Variants in WIZ observed in about 807,000 individuals in gnomAD.
WIZ encodes the protein WIZ zinc finger.
WIZ carries 25 observed loss-of-function variants against 140.2 expected under a neutral mutation model. The observed-to-expected ratio is 0.18, with a 90% CI of 0.13 to 0.25. WIZ has a LOEUF of 0.25. Ranked by LOEUF, WIZ falls within the 10% of genes least tolerant of loss-of-function variation. The pLI is 1.00. For missense variants in WIZ, 2,231 were observed against 2,632.6 expected (o/e 0.85, Z 3.34); for synonymous variants, 1,125 against 1,154.3 (o/e 0.97, Z 0.51).
rs1167629717 is a variant in WIZ, at chr19:15,422,956, G to A, written c.*120C>T. ...GTGTGCCCGGCCCCCAAGGGGCGCC[G>A]GTTTGAGGTTTTGGCTTGCTCCTTT... On this transcript the variant is annotated 3_prime_UTR_variant, in exon 13 of 13. Transcript: ENST00000673675. 2.0e-5 allele frequency: 29 copies of A among 1,440,226 alleles called. No homozygotes were observed. The highest frequency in any genetic ancestry group is 1.1e-4 in the African/African-American group (8 of 70,406). The allele number at this position is 1,440,226 out of a possible 1,614,324, so 89.2% of individuals were successfully genotyped here.
At chr19:15,432,463 C>CCCGGCT (rs1312537100) in intron 5 of WIZ, 65 of 983,218 alleles carry the variant, frequency 6.6e-5, no homozygotes, top group South Asian at 9.1e-5. Flanking sequence ...GGGCCCGGGC[C>CCCGGCT]CCGGCTCCGG....
At chr19:15,448,049 G>A in intron 2 of WIZ, 54 bp downstream of exon 2, 1 of 1,599,928 alleles carries the variant, frequency 6.3e-7, no homozygotes, top group Non-Finnish European at 8.5e-7. Flanking sequence ...CTCTCTCTGA[G>A]CCTTGGGGAA....
Position 15,438,754 on chromosome 19 carries a change from T to C in WIZ, c.2240A>G (p.Glu747Gly), listed in dbSNP as rs1025341958. 3.9e-6 allele frequency: 6 copies of C among 1,535,596 alleles called. No homozygotes were observed. In the African/African-American group the frequency reaches 8.2e-5, roughly 21 times the overall value. The change falls in exon 4 of 13, where the codon GAG (glutamate) becomes GGG (glycine). Residue 747 changes from glutamate (E) to glycine (G), a missense_variant. By Grantham distance (98) the Glu-to-Gly change is moderately conservative. This residue lies in a region of WIZ where 118 missense variants were observed against 209.1 expected (regional missense o/e 0.56). Coordinates refer to ENST00000673675, the MANE Select transcript of WIZ (RefSeq NM_001371589.1). ...DGDPAMALKH[E>G]ERKCPYCPDR... ...GGGGCAGTAGGGGCATTTCCGCTCC[T>C]CGTGCTTCAGTGCCATGGCCGGATC...
In WIZ at chr19:15,438,724, C is replaced by T. The variant is rs868004957; in HGVS notation, c.2270G>A (p.Arg757His). The T allele has an allele frequency of 6.5e-6, 10 of 1,536,042 alleles. No homozygotes were observed. Among genetic ancestry groups the T allele is most frequent in the African/African-American group, 2.7e-5 (2 of 73,058 alleles). Residue 757 changes from arginine to histidine, a missense_variant, in exon 4 of 13, where the codon CGC (arginine) becomes CAC (histidine). Physicochemically the swap from Arg to His is conservative, Grantham distance 29. Around this residue, in one of 15 missense-constraint regions of WIZ, gnomAD observed 118 missense variants for 209.1 expected, o/e 0.56. Transcript: ENST00000673675. ...EERKCPYCPD[R>H]FHNGIGLANH... Reference sequence around the variant, plus strand: ...GGCCAAGCCGATGCCGTTGTGGAAGCGATCGGGGCAGTAGGGGCATTTCCG... The same window carrying T: ...GGCCAAGCCGATGCCGTTGTGGAAGTGATCGGGGCAGTAGGGGCATTTCCG...
At chr19:15,445,681 A>G (rs924475778) in intron 2 of WIZ, among the ~76,000 whole-genome samples, 2 of 152,162 alleles carry the variant, frequency 1.3e-5, no homozygotes, top group African/African-American at 2.4e-5. Context: ...TCATCGATCC[A>G]TACAGACCAC....
At chr19:15,445,702 G>A (rs956536535) in intron 2 of WIZ, among the ~76,000 whole-genome samples, 2 of 152,218 alleles carry the variant, frequency 1.3e-5, no homozygotes, top group African/African-American at 4.8e-5. Context: ...CTCAGCCCCT[G>A]AGTCTTTTCT....
At chr19:15,437,648 C>T (rs1969565423) in intron 4 of WIZ, among the ~76,000 whole-genome samples, 1 of 152,160 alleles carries the variant, frequency 6.6e-6, no homozygotes, top group Admixed American at 6.5e-5. Context: ...AGAGCAAGAC[C>T]CTGTCTCTTA....
At position 15,440,795 on chromosome 19, in the gene WIZ, G is replaced by A; in HGVS notation, c.279-80C>T. On this transcript the variant is annotated intron_variant, in intron 3 of 12. Coordinates refer to ENST00000673675, the MANE Select transcript of WIZ (RefSeq NM_001371589.1). This position sits in a 1 kb window ranked among gnomAD's most constrained non-coding sequence, Gnocchi z 6.2. ...TAGGGTGGTGATGGGGGTCCTCCCA[G>A]GCCGTTTGAAGCAGGCCCCGGAGAT... The A allele has an allele frequency of 7.1e-7, 1 of 1,399,546 alleles. No individual in the cohort carries two copies. Among genetic ancestry groups the A allele is most frequent in the Non-Finnish European group, 9.4e-7 (1 of 1,066,824 alleles). 86.7% of individuals were successfully genotyped at this position (1,399,546 alleles called of 1,614,324 possible).
rs769620882 is a variant in WIZ at position 15,436,814 on chromosome 19, T to C, written c.2732A>G (p.Tyr911Cys). ...PTWAEDPGPAYGDGLGSEENA... is the reference protein window; with the variant it reads ...PTWAEDPGPACGDGLGSEENA... The stretch of plus-strand genomic sequence containing the variant: ...CCGTCCCCTCCCCTTACCATCTCCA[T>C]AGGCTGGCCCAGGGTCCTCAGCCCA... Residue 911 changes from tyrosine to cysteine, a missense_variant, in exon 5 of 13, where the codon TAT becomes TGT. Tyr to Cys is a radical substitution (Grantham distance 194). Transcript: ENST00000673675. The C allele has an allele frequency of 2.5e-6, 4 of 1,594,106 alleles. No homozygotes were observed. In the Admixed American group the frequency reaches 7.5e-5, roughly 30 times the overall value.
Position 15,439,323 on chromosome 19 carries a change from G to A in WIZ, c.1671C>T (p.Ser557=). ...GCTTTGACAGCGGGAAATCTCTGAT[G>A]CTCAGCTGCTGGCATCCTGGGCCAA... ...LAFGPGCQQL[S]IRDFPLSKPL... The change falls in exon 4 of 13, where the codon AGC becomes AGT. Residue 557 remains serine (S), a synonymous_variant. Transcript: ENST00000673675. The surrounding 1 kb of genome is among the most constrained non-coding windows in gnomAD (Gnocchi z 7.0). 2 of 1,535,686 alleles carry A rather than the reference G, an allele frequency of 1.3e-6. No individual in the cohort carries two copies. Among genetic ancestry groups the A allele is most frequent in the Non-Finnish European group, 1.7e-6 (2 of 1,146,700 alleles).
intron 2 of WIZ, among the ~76,000 whole-genome samples, chr19:15,447,231 G>A (rs1969949806): frequency 6.6e-6 from 1 of 152,106 alleles, no homozygotes; most frequent in South Asian, 2.1e-4. Context: ...CTCCTACCAG[G>A]TCCTTGGACA....
chr19:15,429,664 G>C lies in WIZ; in HGVS notation c.3337C>G (p.Gln1113Glu). 1 of 1,426,916 alleles carries C rather than the reference G, an allele frequency of 7.0e-7. No homozygotes were observed. The highest frequency in any genetic ancestry group is 2.9e-5 in the Admixed American group (1 of 34,258). The allele number at this position is 1,426,916 out of a possible 1,614,324, so 88.4% of individuals were successfully genotyped here. Residue 1113 changes from glutamine (Q) to glutamate (E), a missense_variant, in exon 7 of 13, where the codon CAG (glutamine) becomes GAG (glutamate). Gln to Glu is a conservative substitution (Grantham distance 29, BLOSUM62 2). This residue lies in a region of WIZ where 163 missense variants were observed against 166.8 expected (regional missense o/e 0.98). Transcript: ENST00000673675. ...GCCGGCCGGGGGCTCAGGGACAGCT[G>C]GGGGCTCTTGTCCTCAGGATTCTTA... ...TPKNPEDKSP[Q>E]LSLSPRPASP...
rs918943864 is a variant in WIZ, at chr19:15,431,188, G to T, written c.2741-6C>A. ...GTTTTCCTCAGAACCCAGGCCTGTG[G>T]GTTGGGGAGACAGGCTCAGCCCAGA... is the stretch of plus-strand genomic sequence containing the variant. On this transcript the variant is annotated splice_polypyrimidine_tract_variant and splice_region_variant and intron_variant, in intron 5 of 12. Transcript: ENST00000673675. The T allele has an allele frequency of 1.8e-5, 27 of 1,510,082 alleles. No homozygotes were observed. In the African/African-American group the frequency reaches 3.5e-4, roughly 19 times the overall value. 93.5% of individuals were successfully genotyped at this position (1,510,082 alleles called of 1,614,324 possible).
chr19:15,448,274 G>T lies in WIZ; in HGVS notation c.34C>A (p.Pro12Thr). 1 of 1,613,012 alleles carries T rather than the reference G, an allele frequency of 6.2e-7. No homozygotes were observed. The highest frequency in any genetic ancestry group is 8.5e-7 in the Non-Finnish European group (1 of 1,179,778). Reference sequence around the variant, plus strand: ...CTCTCTGGGCCTTGGGGACGATCTGGTGCAGCCAGGCTGCCTGCCAGAGAC... The same window carrying T: ...CTCTCTGGGCCTTGGGGACGATCTGTTGCAGCCAGGCTGCCTGCCAGAGAC... ...EGSLAGSLAA[P>T]DRPQGPERLP... The change falls in exon 2 of 13, where the codon CCA becomes ACA. Residue 12 changes from proline to threonine, a missense_variant. Coordinates refer to ENST00000673675, the MANE Select transcript of WIZ (RefSeq NM_001371589.1).
At position 15,448,098 on chromosome 19, in the gene WIZ, C is replaced by T; in HGVS notation, c.205+5G>A. The T allele has an allele frequency of 1.2e-6, 2 of 1,612,334 alleles. No individual in the cohort carries two copies. The highest frequency in any genetic ancestry group is 1.7e-6 in the Non-Finnish European group (2 of 1,179,298). The stretch of plus-strand genomic sequence containing the variant: ...CCCTGGGGGCCACACGGCCCATTCT[C>T]TTACCAGAGATGCCACCTCTGCCAT... On this transcript the variant is annotated splice_donor_5th_base_variant and intron_variant, in intron 2 of 12. Transcript: ENST00000673675.
intron 6 of WIZ, among the ~76,000 whole-genome samples, chr19:15,430,633 C>T (rs1363145481): frequency 6.6e-6 from 1 of 152,230 alleles, no homozygotes; most frequent in African/African-American, 2.4e-5. Flanking sequence ...TCCCTGGAGT[C>T]CACCCCAGGG....
At chr19:15,425,962 G>A (rs192771645) in intron 9 of WIZ, among the ~76,000 whole-genome samples, 194 bp from the exon 10 acceptor site, 51 of 150,738 alleles carry the variant, frequency 3.4e-4, no homozygotes, top group Non-Finnish European at 5.5e-4. Flanking sequence ...CAAAGCCCCC[G>A]TATCAGTGCC....
chr19:15,440,754 C>T lies in WIZ; in HGVS notation c.279-39G>A, dbSNP rs1969713666. The T allele has an allele frequency of 9.7e-6, 14 of 1,443,910 alleles. 1 individual carries two copies. The highest frequency in any genetic ancestry group is 2.5e-4 in the Middle Eastern group (1 of 3,966). 89.4% of individuals were successfully genotyped at this position (1,443,910 alleles called of 1,614,324 possible). A position where few individuals can be genotyped will look rare whatever the true frequency, so the allele number is the denominator to read the frequency against. On this transcript the variant is annotated intron_variant, in intron 3 of 12. Coordinates refer to ENST00000673675, the MANE Select transcript of WIZ (RefSeq NM_001371589.1). The surrounding 1 kb of genome is among the most constrained non-coding windows in gnomAD (Gnocchi z 6.2). ...CCAATGGGGACAGGTTAGCCATGGG[C>T]TGCAGTTTTCCTTCCTAGGGTGGTG...
Position 15,422,965 on chromosome 19 carries a change from T to G in WIZ, c.*111A>C. On this transcript the variant is annotated 3_prime_UTR_variant, in exon 13 of 13. Coordinates refer to ENST00000673675, the MANE Select transcript of WIZ (RefSeq NM_001371589.1). Reference sequence around the variant, plus strand: ...GCCCCCAAGGGGCGCCGGTTTGAGGTTTTGGCTTGCTCCTTTGGAAACGGA... The same window carrying G: ...GCCCCCAAGGGGCGCCGGTTTGAGGGTTTGGCTTGCTCCTTTGGAAACGGA... 1 of 1,475,656 alleles carries G rather than the reference T, an allele frequency of 6.8e-7. No homozygotes were observed. Among genetic ancestry groups the G allele is most frequent in the East Asian group, 2.4e-5 (1 of 42,268 alleles). 91.4% of individuals were successfully genotyped at this position (1,475,656 alleles called of 1,614,324 possible). A position where few individuals can be genotyped will look rare whatever the true frequency, so the allele number is the denominator to read the frequency against.
Sources: gnomAD v4.1 joint callset for allele counts (sites outside exome capture counted in the v4.1 genomes callset) on GRCh38, gnomAD v4.1.1 for gene constraint, gnomAD v4.1.1 regional missense constraint, Gnocchi (gnomAD v3.1) non-coding constraint, MANE v1.5 for transcripts, NCBI Gene and HGNC (gene_info 2026-07-23, HGNC 2026-07-21) for gene names.